Variants in PDZRN3 observed in about 807,000 individuals in gnomAD.
PDZRN3 encodes the protein E3 ubiquitin-protein ligase PDZRN3.
PDZRN3 carries 38 observed loss-of-function variants against 85.7 expected under a neutral mutation model. That is an observed-to-expected ratio of 0.44 (90% CI 0.34 to 0.58). The LOEUF is 0.58. Ranked by LOEUF, PDZRN3 falls within the 20% of genes least tolerant of loss-of-function variation. The pLI, the probability that PDZRN3 is intolerant of heterozygous loss-of-function variation, is 0.01. For synonymous variants in PDZRN3, 759 were observed against 638.0 expected (o/e 1.19, Z -2.86); for missense variants, 1,629 against 1,506.4 (o/e 1.08, Z -1.35).
At chr3:73,506,534 C>CAA (rs1704072733) in intron 3 of PDZRN3, among the ~76,000 whole-genome samples, 1 of 152,088 alleles carries the variant, frequency 6.6e-6, no homozygotes, top group Non-Finnish European at 1.5e-5. Flanking sequence ...CAATCAGCTA[C>CAA]TCAAATAATC....
chr3:73,457,451 T>C (rs1192887825), intron 3 of PDZRN3, among the ~76,000 whole-genome samples: 1 of 152,030 alleles, frequency 6.6e-6, no homozygotes, highest in African/African-American at 2.4e-5. Context: ...GTATACTGAG[T>C]GGAGAATGGC....
chr3:73,456,878 G>A (rs545676215), intron 3 of PDZRN3, among the ~76,000 whole-genome samples: 2 of 152,020 alleles, frequency 1.3e-5, no homozygotes, highest in East Asian at 3.9e-4. Flanking sequence ...CTTGATTTCT[G>A]TGCTACGAAT....
intron 3 of PDZRN3, among the ~76,000 whole-genome samples, chr3:73,472,886 C>A (rs1436185817): frequency 6.6e-6 from 1 of 152,182 alleles, no homozygotes; most frequent in African/African-American, 2.4e-5. Flanking sequence ...AAAGGAATAT[C>A]AAATTACTAT....
At chr3:73,585,701 T>C (rs1702266702) in intron 3 of PDZRN3, among the ~76,000 whole-genome samples, 1 of 152,176 alleles carries the variant, frequency 6.6e-6, no homozygotes, top group Non-Finnish European at 1.5e-5. Flanking sequence ...TGACTAAACT[T>C]CCATCGAAGA....
intron 3 of PDZRN3, among the ~76,000 whole-genome samples, chr3:73,600,337 A>ACACACACACT (rs34405662): frequency 1.1e-3 from 108 of 100,064 alleles, no homozygotes; most frequent in African/African-American, 2.8e-3. Flanking sequence ...ACACACACAC[A>ACACACACACT]CTCTCTCTCT....
intron 3 of PDZRN3, among the ~76,000 whole-genome samples, chr3:73,410,225 C>CTTAAT (rs1212793936): frequency 6.6e-6 from 1 of 152,124 alleles, no homozygotes; most frequent in African/African-American, 2.4e-5. Flanking sequence ...TCCTGTCTGT[C>CTTAAT]TTAATTTATT....
intron 3 of PDZRN3, among the ~76,000 whole-genome samples, chr3:73,418,129 G>T (rs746476670): frequency 6.6e-6 from 1 of 152,020 alleles, no homozygotes; most frequent in Non-Finnish European, 1.5e-5. Context: ...TCACCCTCTC[G>T]ACTTCACAGG....
At position 73,388,081 on chromosome 3, in the gene PDZRN3, A is replaced by C. The variant is rs747393907; in HGVS notation, c.1417-12T>G. The C allele has an allele frequency of 1.7e-6, 2 of 1,151,640 alleles. No homozygotes were observed. The highest frequency in any genetic ancestry group is 2.5e-5 in the East Asian group (1 of 39,904). The allele number at this position is 1,151,640 out of a possible 1,614,324, so 71.3% of individuals were successfully genotyped here. ...TCTATCCCATTAATCTTTTAAAAAA[A>C]AAGGGGGGGTGGGGAGAGTGGGGAG... On this transcript the variant is annotated splice_polypyrimidine_tract_variant and intron_variant, in intron 7 of 9. Coordinates refer to ENST00000263666, the MANE Select transcript of PDZRN3 (RefSeq NM_015009.3).
At position 73,603,745 on chromosome 3, in the gene PDZRN3, T is replaced by C. The variant is rs539594907; in HGVS notation, c.811-1284A>G. 2.6e-5 allele frequency among the ~76,000 whole-genome samples: 4 copies of C among 152,248 alleles called. No homozygotes were observed. In the East Asian group the frequency reaches 5.8e-4, roughly 22 times the overall value. ...AAACCAAAAAACAATCCCTATATTC[T>C]AAAGGGGGAAGGAAACGACTTCAAG... On this transcript the variant is annotated intron_variant, in intron 2 of 9. Coordinates refer to ENST00000263666, the MANE Select transcript of PDZRN3 (RefSeq NM_015009.3).
intron 3 of PDZRN3, chr3:73,408,297 A>G (rs1353907787): frequency 2.9e-6 from 2 of 690,166 alleles, no homozygotes; most frequent in Admixed American, 4.2e-5. Context: ...TTTTAGGGTA[A>G]TATAAAGTTT....
intron 3 of PDZRN3, among the ~76,000 whole-genome samples, chr3:73,488,101 C>T (rs1316893355): frequency 6.6e-6 from 1 of 152,076 alleles, no homozygotes; most frequent in Admixed American, 6.5e-5. Flanking sequence ...AAATTAACTG[C>T]CACAACAGGT....
In PDZRN3 at chr3:73,391,108, G is replaced by C. The variant is rs1300281081; in HGVS notation, c.1263C>G (p.Asp421Glu). Reference sequence around the variant, plus strand: ...TGTCCTGGCTGTTCATTCTGTAGAGGTCCACTTCCTAGACAAAGAAAGGCA... The same window carrying C: ...TGTCCTGGCTGTTCATTCTGTAGAGCTCCACTTCCTAGACAAAGAAAGGCA... ...DREELELEEVDLYRMNSQDKL... is the reference protein window; with the variant it reads ...DREELELEEVELYRMNSQDKL... Residue 421 changes from aspartate (D) to glutamate (E), a missense_variant, in exon 6 of 10, where the codon GAC becomes GAG. Transcript: ENST00000263666. 4 of 1,610,494 alleles carry C rather than the reference G, an allele frequency of 2.5e-6. No individual in the cohort carries two copies. The Admixed American group carries it at 6.7e-5, about 27-fold the overall frequency.
chr3:73,551,586 G>A (rs1295913497), intron 3 of PDZRN3, among the ~76,000 whole-genome samples: 3 of 151,708 alleles, frequency 2.0e-5, no homozygotes, highest in African/African-American at 7.3e-5. Flanking sequence ...CTATTTGGGA[G>A]GCTAATGGGG....
intron 3 of PDZRN3, among the ~76,000 whole-genome samples, chr3:73,578,589 CA>C (rs1262476703): frequency 6.6e-6 from 1 of 152,008 alleles, no homozygotes; most frequent in African/African-American, 2.4e-5. Flanking sequence ...GAATGAGTGA[CA>C]AAAAGTAAAA....
At position 73,384,707 on chromosome 3, in the gene PDZRN3, A is replaced by T; in HGVS notation, c.1859T>A (p.Phe620Tyr). The T allele has an allele frequency of 6.2e-7, 1 of 1,614,018 alleles. No homozygotes were observed. Among genetic ancestry groups the T allele is most frequent in the Non-Finnish European group, 8.5e-7 (1 of 1,180,020 alleles). ...QDTLGSGDLPFSNESFISADC... is the reference protein window; with the variant it reads ...QDTLGSGDLPYSNESFISADC... ...GGCCGAAATGAAAGACTCGTTGCTG[A>T]AGGGCAGGTCGCCGCTGCCCAAGGT... Residue 620 changes from phenylalanine to tyrosine, a missense_variant, in exon 10 of 10, where the codon TTC (phenylalanine) becomes TAC (tyrosine). Coordinates refer to ENST00000263666, the MANE Select transcript of PDZRN3 (RefSeq NM_015009.3).
chr3:73,559,466 G>C (rs1344846958), intron 3 of PDZRN3, among the ~76,000 whole-genome samples: 1 of 152,142 alleles, frequency 6.6e-6, no homozygotes, highest in African/African-American at 2.4e-5. Flanking sequence ...TTCCGAACTT[G>C]TCTCAGGAGT....
chr3:73,493,094 C>T (rs906024083), intron 3 of PDZRN3, among the ~76,000 whole-genome samples: 2 of 148,190 alleles, frequency 1.3e-5, no homozygotes, highest in African/African-American at 4.9e-5. Context: ...GTCCGGGCCC[C>T]CATCTCCTTG....
chr3:73,496,842 C>T (rs564915517), intron 3 of PDZRN3, among the ~76,000 whole-genome samples: 38 of 152,288 alleles, frequency 2.5e-4, no homozygotes, highest in African/African-American at 8.9e-4. Context: ...ATCAATAGCT[C>T]GCTGACCATT....
chr3:73,502,706 G>C (rs1395900767), intron 3 of PDZRN3, among the ~76,000 whole-genome samples: 1 of 152,170 alleles, frequency 6.6e-6, no homozygotes, highest in East Asian at 1.9e-4. Context: ...AAGGCAGCTC[G>C]GTCAAGGATG....
Sources: allele counts gnomAD v4.1 joint callset (sites outside exome capture counted in the v4.1 genomes callset), GRCh38; gene constraint gnomAD v4.1.1; transcripts MANE v1.5; gene names NCBI Gene and HGNC (gene_info 2026-07-23, HGNC 2026-07-21).